The following SOX5 variants were observed in gnomAD, a reference collection of about 807,000 sequenced individuals.
SOX5 encodes SRY-box transcription factor 5, also known as transcription factor SOX-5.
SOX5 carries 9 observed loss-of-function variants against 92.0 expected under a neutral mutation model. The observed-to-expected ratio is 0.10, with a 90% CI of 0.06 to 0.17. The LOEUF (loss-of-function observed/expected upper bound fraction) is 0.17. Among genes scored for constraint, SOX5 ranks in the 10% least tolerant of loss-of-function variants. The pLI is 1.00. For synonymous variants in SOX5, 344 were observed against 336.3 expected, an observed-to-expected ratio of 1.02 and a Z score of -0.25; for missense variants, 642 against 944.5, an observed-to-expected ratio of 0.68 and a Z score of 4.20.
chr12:24,074,999 C>A (rs1379030172), intron 4 of SOX5, among the ~76,000 whole-genome samples: 1 of 151,594 alleles, frequency 6.6e-6, no homozygotes, highest in African/African-American at 2.4e-5. Context: ...TGGTGGCTCA[C>A]CCCTATAATC....
intron 1 of SOX5, among the ~76,000 whole-genome samples, chr12:24,519,030 T>TA (rs555162389): frequency 1.1e-3 from 171 of 152,188 alleles, no homozygotes; most frequent in South Asian, 1.7e-3. Context: ...TATTCTTTTT[T>TA]AAAAAAAATC....
intron 2 of SOX5, among the ~76,000 whole-genome samples, chr12:23,852,509 A>G (rs765394378): frequency 7.2e-5 from 11 of 152,090 alleles, no homozygotes; most frequent in Non-Finnish European, 1.2e-4. Context: ...AAAAATATAG[A>G]CTCTTTTAAA....
intron 1 of SOX5, among the ~76,000 whole-genome samples, chr12:24,418,172 C>T (rs1965345276): frequency 6.6e-6 from 1 of 150,808 alleles, no homozygotes; most frequent in African/African-American, 2.4e-5. Context: ...AAAATACATT[C>T]ACAAATGAGC....
chr12:24,547,695 G>A (rs1471257610), intron 1 of SOX5, among the ~76,000 whole-genome samples: 3 of 152,124 alleles, frequency 2.0e-5, no homozygotes, highest in Non-Finnish European at 2.9e-5. Flanking sequence ...TCAGGCATAA[G>A]TTGTCTTAGA....
intron 4 of SOX5, among the ~76,000 whole-genome samples, chr12:24,146,500 T>C (rs1340761589): frequency 6.6e-6 from 1 of 152,042 alleles, no homozygotes; most frequent in Non-Finnish European, 1.5e-5. Context: ...AGGGAATAAC[T>C]AGTACTTTCA....
chr12:24,050,779 T>C (rs1957485956), intron 4 of SOX5, among the ~76,000 whole-genome samples: 3 of 152,148 alleles, frequency 2.0e-5, no homozygotes, highest in Admixed American at 2.0e-4. Context: ...AGGTAAGAAA[T>C]ATAAGAAATA....
At chr12:24,006,532 T>G (rs560917033) in intron 4 of SOX5, among the ~76,000 whole-genome samples, 1 of 152,050 alleles carries the variant, frequency 6.6e-6, no homozygotes, top group Non-Finnish European at 1.5e-5. Flanking sequence ...GGGAGCTGGA[T>G]GTTTACAGAG....
intron 6 of SOX5, among the ~76,000 whole-genome samples, chr12:23,731,204 T>C (rs2093379654): frequency 6.6e-6 from 1 of 152,154 alleles, no homozygotes; most frequent in South Asian, 2.1e-4. Context: ...GGAGTGAAAG[T>C]TGTATCAACA....
At chr12:24,034,755 T>A (rs1955856206) in intron 4 of SOX5, among the ~76,000 whole-genome samples, 1 of 152,058 alleles carries the variant, frequency 6.6e-6, no homozygotes, top group Non-Finnish European at 1.5e-5. Flanking sequence ...TACCTAACAA[T>A]TTTATCTACT....
At chr12:24,500,792 C>T (rs550078493) in intron 1 of SOX5, among the ~76,000 whole-genome samples, 13 of 152,276 alleles carry the variant, frequency 8.5e-5, no homozygotes, top group Admixed American at 6.5e-4. Context: ...CAAATATAAA[C>T]CGGCATTTTT....
intron 1 of SOX5, among the ~76,000 whole-genome samples, chr12:24,419,243 T>C (rs1345641652): frequency 1.3e-5 from 2 of 152,062 alleles, no homozygotes; most frequent in Non-Finnish European, 2.9e-5. Flanking sequence ...CTCTCCTCCC[T>C]CAGTTAAGCA....
chr12:23,975,887 C>A (rs1948834583), intron 4 of SOX5, among the ~76,000 whole-genome samples: 1 of 152,070 alleles, frequency 6.6e-6, no homozygotes, highest in South Asian at 2.1e-4. Flanking sequence ...GCAGATTATC[C>A]TTCTTAACTT....
At chr12:24,455,930 C>T (rs1198015313) in intron 1 of SOX5, among the ~76,000 whole-genome samples, 2 of 152,150 alleles carry the variant, frequency 1.3e-5, no homozygotes, top group Non-Finnish European at 2.9e-5. Flanking sequence ...AACAGCTCTG[C>T]GAGGCCATGC....
At chr12:23,689,294 T>C (rs1343947150) in intron 6 of SOX5, among the ~76,000 whole-genome samples, 1 of 152,152 alleles carries the variant, frequency 6.6e-6, no homozygotes, top group African/African-American at 2.4e-5. Context: ...TTTTTGTTGT[T>C]GTTGTTGCAT....
At chr12:23,806,655 G>A (rs10842226) in intron 3 of SOX5, among the ~76,000 whole-genome samples, 61,790 of 137,988 alleles carry the variant, frequency 0.45, 13,568 homozygotes, top group East Asian at 0.81. Context: ...TAGTGGAGTG[G>A]AAAAAAAAAA....
chr12:24,449,357 T>G (rs1941946108), intron 1 of SOX5, among the ~76,000 whole-genome samples: 1 of 152,220 alleles, frequency 6.6e-6, no homozygotes, highest in Non-Finnish European at 1.5e-5. Context: ...TAACCTCAAG[T>G]TTGTTTCTCC....
intron 1 of SOX5, among the ~76,000 whole-genome samples, chr12:24,385,149 TAA>T (rs1228210475): frequency 6.6e-6 from 1 of 152,186 alleles, no homozygotes; most frequent in Non-Finnish European, 1.5e-5. Context: ...TAAATTTTAT[TAA>T]AGATATGTAT....
At chr12:24,015,637 G>A (rs1953502711) in intron 4 of SOX5, among the ~76,000 whole-genome samples, 2 of 152,136 alleles carry the variant, frequency 1.3e-5, no homozygotes, top group African/African-American at 2.4e-5. Flanking sequence ...ATGTACGGGA[G>A]CCAATGCCAG....
At chr12:23,653,041 T>TGGATGGACGGAC (rs1169395742) in intron 7 of SOX5, among the ~76,000 whole-genome samples, 4 of 150,866 alleles carry the variant, frequency 2.7e-5, no homozygotes, top group African/African-American at 9.7e-5. Context: ...GATGGATGGA[T>TGGATGGACGGAC]GGATGGATGG....
Sources: gnomAD v4.1 joint callset for allele counts (sites outside exome capture counted in the v4.1 genomes callset) on GRCh38, gnomAD v4.1.1 for gene constraint, MANE v1.5 for transcripts, NCBI Gene and HGNC (gene_info 2026-07-23, HGNC 2026-07-21) for gene names.